PPM1K: variants seen among roughly 807,000 people sequenced by gnomAD.
PPM1K encodes the protein protein phosphatase Mn(2+)-dependent 1K.
Under a neutral mutation model 32.6 loss-of-function variants are expected in PPM1K, and 19 were observed. The ratio of observed to expected loss-of-function variants is 0.58; its 90% CI spans 0.41 to 0.86. The LOEUF is 0.86. Ranked by LOEUF, PPM1K falls within the 40% of genes least tolerant of loss-of-function variation. The pLI is 0.00. For missense variants in PPM1K, 362 were observed against 461.2 expected (o/e 0.78, Z 1.97); for synonymous variants, 159 against 165.3 (o/e 0.96, Z 0.29).
chr4:88,281,464 G>T (rs1732001390), intron 1 of PPM1K, among the ~76,000 whole-genome samples: 2 of 151,880 alleles, frequency 1.3e-5, no homozygotes, highest in Admixed American at 6.6e-5. Context: ...AATGCAAATT[G>T]AGCAGTTTCT....
In PPM1K at chr4:88,268,726, C is replaced by T. The variant is rs376753082; in HGVS notation, c.707+15G>A. ...ATCCACATAGAATGATATGATGGAT[C>T]AGTGGTGGTAGTACCTTTCTTTTTC... On this transcript the variant is annotated intron_variant, in intron 4 of 6. Coordinates refer to ENST00000608933, the MANE Select transcript of PPM1K (RefSeq NM_152542.5). 324 of 1,608,462 alleles carry T rather than the reference C, an allele frequency of 2.0e-4. No homozygotes were observed. Among genetic ancestry groups the T allele is most frequent in the Non-Finnish European group, 2.7e-4 (313 of 1,175,830 alleles).
chr4:88,276,380 C>T (rs1443583901), intron 3 of PPM1K: 2 of 985,210 alleles, frequency 2.0e-6, no homozygotes, highest in African/African-American at 1.7e-5. Context: ...TTGGCTGGTA[C>T]AGAAATTTTC....
intron 3 of PPM1K, chr4:88,276,589 C>T (rs1200720575): frequency 9.1e-6 from 9 of 985,212 alleles, no homozygotes; most frequent in Non-Finnish European, 9.6e-6. Context: ...CAGAGAAAAG[C>T]TGCAAGATTG....
intron 3 of PPM1K, among the ~76,000 whole-genome samples, chr4:88,269,314 A>G (rs1731465261): frequency 6.6e-6 from 1 of 152,186 alleles, no homozygotes. Context: ...GAGCCCATGG[A>G]GGCAAGCTGA....
chr4:88,275,369 G>T (rs914717722), intron 3 of PPM1K: 16 of 976,266 alleles, frequency 1.6e-5, no homozygotes, highest in Non-Finnish European at 1.8e-5. Flanking sequence ...TGTGACAAAG[G>T]TATCTTTAGA....
Position 88,268,478 on chromosome 4 carries a change from G to A in PPM1K, c.708-144C>T, listed in dbSNP as rs1416182732. The A allele has an allele frequency of 1.3e-5, 12 of 955,308 alleles. 1 individual carries two copies. Among genetic ancestry groups the A allele is most frequent in the Admixed American group, 1.0e-4 (4 of 39,306 alleles). 59.2% of individuals were successfully genotyped at this position (955,308 alleles called of 1,614,324 possible). ...TCTACTAAAAAACAAAAAATTAGCC[G>A]AGCGTGTTGGCAGGCGCCTGTAGTC... On this transcript the variant is annotated intron_variant, in intron 4 of 6. Coordinates refer to ENST00000608933, the MANE Select transcript of PPM1K (RefSeq NM_152542.5).
In PPM1K at chr4:88,278,660, C is replaced by A; in HGVS notation, c.-59-18G>T. The A allele has an allele frequency of 8.2e-7, 1 of 1,212,644 alleles. No homozygotes were observed. Among genetic ancestry groups the A allele is most frequent in the South Asian group, 1.5e-5 (1 of 66,774 alleles). 75.1% of individuals were successfully genotyped at this position (1,212,644 alleles called of 1,614,324 possible). On this transcript the variant is annotated intron_variant, in intron 1 of 6. Transcript: ENST00000608933. This position sits in a 1 kb window ranked among gnomAD's most constrained non-coding sequence, Gnocchi z 4.2. ...TGGAATGTCTTCAAGAAAAATGATG[C>A]AAGTCACAGGGGACAGAGGGAGAGA...
chr4:88,278,486 C>G lies in PPM1K; in HGVS notation c.98G>C (p.Arg33Pro), dbSNP rs371441971. 6.2e-7 allele frequency: 1 copy of G among 1,614,160 alleles called. No individual in the cohort carries two copies. The highest frequency in any genetic ancestry group is 1.1e-5 in the South Asian group (1 of 91,078). Residue 33 changes from arginine (R) to proline (P), a missense_variant, in exon 2 of 7, where the codon CGG becomes CCG. By Grantham distance (103) the Arg-to-Pro change is moderately radical. Transcript: ENST00000608933. This position sits in a 1 kb window ranked among gnomAD's most constrained non-coding sequence, Gnocchi z 4.2. Reference protein sequence around the residue: ...LSSRLLQDDRRVTPTCHSSTS... With the variant: ...LSSRLLQDDRPVTPTCHSSTS... ...GGAGCTGTGGCACGTGGGTGTCACC[C>G]GCCTGTCGTCCTGCAGCAGGCGGGA...
chr4:88,263,855 C>A (rs1365795570), intron 6 of PPM1K, among the ~76,000 whole-genome samples: 2 of 152,054 alleles, frequency 1.3e-5, no homozygotes, highest in African/African-American at 4.8e-5. Context: ...AAGAATGAAA[C>A]CTATTTCCTG....
chr4:88,259,701 C>T lies in PPM1K; in HGVS notation c.*2894G>A, dbSNP rs2110149574. 6.6e-6 allele frequency: 1 copy of T among 152,162 alleles called. No individual in the cohort carries two copies. Among genetic ancestry groups the T allele is most frequent in the South Asian group, 2.1e-4 (1 of 4,818 alleles). 9.4% of individuals were successfully genotyped at this position (152,162 alleles called of 1,614,324 possible). A position where few individuals can be genotyped will look rare whatever the true frequency, so the allele number is the denominator to read the frequency against. The stretch of plus-strand genomic sequence containing the variant: ...TATTGTGGCATGAAAAATACAAACA[C>T]CAATACAGTATGTTTTATGCTTACT... On this transcript the variant is annotated 3_prime_UTR_variant, in exon 7 of 7. Coordinates refer to ENST00000608933, the MANE Select transcript of PPM1K (RefSeq NM_152542.5).
chr4:88,271,836 G>A (rs1230115793), intron 3 of PPM1K, among the ~76,000 whole-genome samples: 1 of 152,124 alleles, frequency 6.6e-6, no homozygotes, highest in Non-Finnish European at 1.5e-5. Flanking sequence ...TTTGTTAATG[G>A]TGCTTAATGC....
intron 1 of PPM1K, among the ~76,000 whole-genome samples, chr4:88,280,841 A>G (rs1408530364): frequency 6.6e-6 from 1 of 152,194 alleles, no homozygotes; most frequent in Admixed American, 6.5e-5. Context: ...GGAGCAAGAC[A>G]TTGTCTATTT....
At chr4:88,282,964 G>T (rs150305311) in intron 1 of PPM1K, among the ~76,000 whole-genome samples, 187 of 152,332 alleles carry the variant, frequency 1.2e-3, no homozygotes, top group African/African-American at 4.3e-3. Flanking sequence ...TGGGTGATCA[G>T]TAGTAATGAC....
chr4:88,268,598 G>T, intron 4 of PPM1K, 143 bp downstream of exon 4: 2 of 938,648 alleles, frequency 2.1e-6, no homozygotes, highest in South Asian at 1.6e-5. Flanking sequence ...TCCAGCCTGG[G>T]CGACAGAGTG....
chr4:88,262,420 AAC>A lies in PPM1K; in HGVS notation c.*173_*174del. 3.2e-6 allele frequency: 2 copies of A among 622,668 alleles called. No individual in the cohort carries two copies. The highest frequency in any genetic ancestry group is 5.4e-6 in the Non-Finnish European group (2 of 371,854). 38.6% of individuals were successfully genotyped at this position (622,668 alleles called of 1,614,324 possible). ...CTTCACTACACATATATTTATACTG[AAC>A]ATGTACAGCGGAACATAAATATGAT... On this transcript the variant is annotated 3_prime_UTR_variant, in exon 7 of 7. Coordinates refer to ENST00000608933, the MANE Select transcript of PPM1K (RefSeq NM_152542.5).
intron 1 of PPM1K, chr4:88,284,074 G>A (rs1274419307): frequency 8.8e-6 from 1 of 113,536 alleles, no homozygotes; most frequent in Admixed American, 1.1e-4. Flanking sequence ...TGCCCGCCTC[G>A]CGCCGCGCTG....
rs1007667264 is a variant in PPM1K, at chr4:88,278,555, A to G, written c.29T>C (p.Val10Ala). The change falls in exon 2 of 7, where the codon GTC becomes GCC. Residue 10 changes from valine (V) to alanine (A), a missense_variant. Coordinates refer to ENST00000608933, the MANE Select transcript of PPM1K (RefSeq NM_152542.5). This position sits in a 1 kb window ranked among gnomAD's most constrained non-coding sequence, Gnocchi z 4.2. MSTAALITL[V>A]RSGGNQVRRR... The stretch of plus-strand genomic sequence containing the variant: ...TCTCACCTGGTTCCCACCACTTCTG[A>G]CCAAAGTAATTAAGGCAGCTGTTGA... 1.2e-6 allele frequency: 2 copies of G among 1,611,964 alleles called. No homozygotes were observed. Among genetic ancestry groups the G allele is most frequent in the Non-Finnish European group, 1.7e-6 (2 of 1,179,014 alleles).
chr4:88,263,594 A>G (rs1731204869), intron 6 of PPM1K, among the ~76,000 whole-genome samples: 1 of 152,142 alleles, frequency 6.6e-6, no homozygotes, highest in Non-Finnish European at 1.5e-5. Context: ...ATGTACCACC[A>G]TGCCCAGCTA....
Position 88,260,027 on chromosome 4 carries a change from A to C in PPM1K, c.*2568T>G, listed in dbSNP as rs1731059750. 6.6e-6 allele frequency: 1 copy of C among 152,224 alleles called. No individual in the cohort carries two copies. The highest frequency in any genetic ancestry group is 6.5e-5 in the Admixed American group (1 of 15,276). 9.4% of individuals were successfully genotyped at this position (152,224 alleles called of 1,614,324 possible). A position where few individuals can be genotyped will look rare whatever the true frequency, so the allele number is the denominator to read the frequency against. On this transcript the variant is annotated 3_prime_UTR_variant, in exon 7 of 7. Coordinates refer to ENST00000608933, the MANE Select transcript of PPM1K (RefSeq NM_152542.5). ...ATAGGAATAGTAATGTAAAGCATTC[A>C]AAACAAAAATGAAACCTGCATATTT...
Sources: allele counts gnomAD v4.1 joint callset (sites outside exome capture counted in the v4.1 genomes callset), GRCh38; gene constraint gnomAD v4.1.1; non-coding constraint Gnocchi (gnomAD v3.1); transcripts MANE v1.5; gene names NCBI Gene and HGNC (gene_info 2026-07-23, HGNC 2026-07-21).